The following MAP2K7 variants were observed in gnomAD, a reference collection of about 807,000 sequenced individuals.
MAP2K7 encodes the protein mitogen-activated protein kinase kinase 7.
A neutral mutation model predicts 47.7 loss-of-function variants in MAP2K7; 12 were observed. The observed-to-expected ratio is 0.25, with a 90% CI of 0.16 to 0.41. The LOEUF is 0.41. Ranked by LOEUF, MAP2K7 falls within the 10% of genes least tolerant of loss-of-function variation. The probability of loss-of-function intolerance (pLI) is 1.00; values close to 1 mark genes in which losing one functional copy is unlikely to be tolerated. For synonymous variants in MAP2K7, 299 were observed against 243.0 expected (o/e 1.23, Z -2.14); for missense variants, 415 against 600.3 (o/e 0.69, Z 3.23).
intron 1 of MAP2K7, chr19:7,905,835 C>G: frequency 6.2e-7 from 1 of 1,612,752 alleles, no homozygotes; most frequent in Non-Finnish European, 8.5e-7. Context: ...AGCCCTGCTC[C>G]TGCCCCGTCC....
rs201487347 is a variant in MAP2K7, at chr19:7,911,240, C to T, written c.856-10C>T. The T allele has an allele frequency of 8.7e-4, 1,406 of 1,609,296 alleles. 11 individuals are homozygous for T. In the African/African-American group the frequency reaches 0.016, roughly 18 times the overall value. ...CCTTGGAGATACGTCTTCTCCTCCC[C>T]CCCCTGCAGCCCGAGCGCATTGACC... On this transcript the variant is annotated splice_polypyrimidine_tract_variant and intron_variant, in intron 7 of 10. Coordinates refer to ENST00000397979, the MANE Select transcript of MAP2K7 (RefSeq NM_145185.4).
rs1983104252 is a variant in MAP2K7, at chr19:7,913,839, G to A, written c.*1408G>A. The A allele has an allele frequency of 2.0e-5, 3 of 152,516 alleles. No homozygotes were observed. The highest frequency in any genetic ancestry group is 2.0e-4 in the Admixed American group (3 of 15,270). 9.4% of individuals were successfully genotyped at this position (152,516 alleles called of 1,614,324 possible). On this transcript the variant is annotated 3_prime_UTR_variant, in exon 11 of 11. Coordinates refer to ENST00000397979, the MANE Select transcript of MAP2K7 (RefSeq NM_145185.4). ...ACACCAAAGGCGCAGAAGCCGGCTG[G>A]CCGTGGTGGGGGCAGCGTAGGCGTA... is the stretch of plus-strand genomic sequence containing the variant.
rs776928830 is a variant in MAP2K7 at position 7,910,200 on chromosome 19, G to A, written c.334-60G>A. 5 of 1,600,158 alleles carry A rather than the reference G, an allele frequency of 3.1e-6. No individual in the cohort carries two copies. The African/African-American group carries it at 4.0e-5, about 13-fold the overall frequency. On this transcript the variant is annotated intron_variant, in intron 3 of 10. Coordinates refer to ENST00000397979, the MANE Select transcript of MAP2K7 (RefSeq NM_145185.4). ...CTGGACCCATCCTGGGAGCGCCAGT[G>A]GGGGGCAGGGGGCGGTGGCAGAGGC...
intron 1 of MAP2K7, among the ~76,000 whole-genome samples, chr19:7,908,902 C>T (rs963976418): frequency 2.6e-5 from 4 of 152,122 alleles, no homozygotes; most frequent in Admixed American, 6.5e-5. Context: ...CTGTCTCCTG[C>T]CCTCCCACCC....
rs138634587 is a variant in MAP2K7, at chr19:7,910,598, C to T, written c.567+26C>T. ...GTGAGTACCTGGCCGCGCCCTGCAG[C>T]GTCTCCTCCTCCCTCACCCCTGCCC... On this transcript the variant is annotated intron_variant, in intron 5 of 10. Transcript: ENST00000397979. 15,227 of 1,613,102 alleles carry T rather than the reference C, an allele frequency of 9.4e-3. 116 individuals carry two copies. Among genetic ancestry groups the T allele is most frequent in the Middle Eastern group, 0.019 (116 of 6,062 alleles).
At chr19:7,905,849 C>G (rs765299716) in intron 1 of MAP2K7, 2 of 1,612,342 alleles carry the variant, frequency 1.2e-6, no homozygotes, top group African/African-American at 1.3e-5. Flanking sequence ...CCCGTCCCAA[C>G]GAGCAGGTAC....
In MAP2K7 at chr19:7,912,681, C is replaced by T. The variant is rs890812775; in HGVS notation, c.*250C>T. On this transcript the variant is annotated 3_prime_UTR_variant, in exon 11 of 11. Coordinates refer to ENST00000397979, the MANE Select transcript of MAP2K7 (RefSeq NM_145185.4). ...ACACTGTGAACGGAAGACAGCAGGC[C>T]GCGATCAGAGTCGCTGTTCATTCAG... is the stretch of plus-strand genomic sequence containing the variant. 62 of 560,436 alleles carry T rather than the reference C, an allele frequency of 1.1e-4. No individual in the cohort carries two copies. The highest frequency in any genetic ancestry group is 1.2e-4 in the East Asian group (4 of 32,772). The allele number at this position is 560,436 out of a possible 1,614,324, so 34.7% of individuals were successfully genotyped here.
intron 1 of MAP2K7, among the ~76,000 whole-genome samples, chr19:7,907,782 G>A (rs994468780): frequency 6.6e-6 from 1 of 152,156 alleles, no homozygotes; most frequent in Admixed American, 6.5e-5. Flanking sequence ...TGAGTGCAGG[G>A]TGTGAGCGGG....
rs1190454746 is a variant in MAP2K7, at chr19:7,903,883, G to A, written c.-62G>A. Reference sequence around the variant, plus strand: ...GTCATCCGGGCGCAGGCGCAGTGCGGTGTTTGTCTGCCGGACTGACGGGCG... The same window carrying A: ...GTCATCCGGGCGCAGGCGCAGTGCGATGTTTGTCTGCCGGACTGACGGGCG... On this transcript the variant is annotated 5_prime_UTR_variant, in exon 1 of 11. The change creates a new upstream start codon in the 5' untranslated region. Coordinates refer to ENST00000397979, the MANE Select transcript of MAP2K7 (RefSeq NM_145185.4). 1.5e-6 allele frequency: 2 copies of A among 1,309,688 alleles called. No individual in the cohort carries two copies. Among genetic ancestry groups the A allele is most frequent in the South Asian group, 1.6e-5 (1 of 64,402 alleles). 81.1% of individuals were successfully genotyped at this position (1,309,688 alleles called of 1,614,324 possible).
intron 1 of MAP2K7, chr19:7,904,470 T>TC: frequency 2.7e-6 from 1 of 370,634 alleles, no homozygotes; most frequent in Admixed American, 3.2e-5. Flanking sequence ...GGCGCCCCCC[T>TC]CCCCCGGCCT....
intron 1 of MAP2K7, 32 bp downstream of exon 1, chr19:7,904,100 CGGGCGGGGCGGG>C: frequency 6.5e-5 from 1 of 15,398 alleles, no homozygotes. Flanking sequence ...AGGGGGCGGG[CGGGCGGGGCGGG>C]GCGCGCGCCG....
rs1209200866 is a variant in MAP2K7, at chr19:7,911,132, G to A, written c.828G>A (p.Arg276=). The stretch of plus-strand genomic sequence containing the variant: ...TGGTGGACTCCAAAGCCAAGACGCG[G>A]AGCGCCGGCTGTGCCGCCTACATGG... ...GRLVDSKAKT[R]SAGCAAYMAP... The change falls in exon 7 of 11, where the codon CGG becomes CGA. Residue 276 remains arginine, a synonymous_variant. Transcript: ENST00000397979. 1 of 1,611,398 alleles carries A rather than the reference G, an allele frequency of 6.2e-7. No individual in the cohort carries two copies.
chr19:7,912,809 C>T lies in MAP2K7; in HGVS notation c.*378C>T, dbSNP rs1982998153. 7.9e-6 allele frequency: 2 copies of T among 253,078 alleles called. No individual in the cohort carries two copies. The highest frequency in any genetic ancestry group is 5.3e-5 in the South Asian group (1 of 19,002). 15.7% of individuals were successfully genotyped at this position (253,078 alleles called of 1,614,324 possible). A position where few individuals can be genotyped will look rare whatever the true frequency, so the allele number is the denominator to read the frequency against. On this transcript the variant is annotated 3_prime_UTR_variant, in exon 11 of 11. Coordinates refer to ENST00000397979, the MANE Select transcript of MAP2K7 (RefSeq NM_145185.4). ...AGCGTGCTGTGTCCTTCGCCACTCC[C>T]ACGCGCCCGTTCCTCTTCCGTCGCC...
chr19:7,909,599 C>T (rs1982681034), intron 1 of MAP2K7, among the ~76,000 whole-genome samples, 156 bp from the exon 2 acceptor site: 1 of 152,184 alleles, frequency 6.6e-6, no homozygotes, highest in African/African-American at 2.4e-5. Flanking sequence ...GACCCCAGCT[C>T]CTCCAGCCCA....
Position 7,912,136 on chromosome 19 carries a change from T to C in MAP2K7, c.1080-13T>C. 5 of 1,613,688 alleles carry C rather than the reference T, an allele frequency of 3.1e-6. No homozygotes were observed. The highest frequency in any genetic ancestry group is 4.2e-6 in the Non-Finnish European group (5 of 1,179,672). Reference sequence around the variant, plus strand: ...CCTCGTTCTCACATCTGTCTTCCCTTCTCTTGCTCTAGCCTTACTAAAGAT... The same window carrying C: ...CCTCGTTCTCACATCTGTCTTCCCTCCTCTTGCTCTAGCCTTACTAAAGAT... On this transcript the variant is annotated splice_polypyrimidine_tract_variant and intron_variant, in intron 9 of 10. Transcript: ENST00000397979.
chr19:7,904,317 G>A (rs1241864670), intron 1 of MAP2K7: 1 of 225,930 alleles, frequency 4.4e-6, no homozygotes, highest in African/African-American at 2.3e-5. Flanking sequence ...GCCCCCAGCT[G>A]ATGACCCGCC....
intron 1 of MAP2K7, chr19:7,905,668 G>T (rs1477766880): frequency 2.7e-6 from 2 of 750,920 alleles, no homozygotes; most frequent in Admixed American, 3.7e-5. Context: ...CCCCATCTCT[G>T]TCGGTTCCTA....
intron 1 of MAP2K7, 34 bp from the exon 2 acceptor site, chr19:7,909,721 C>T: frequency 7.1e-7 from 1 of 1,406,296 alleles, no homozygotes; most frequent in South Asian, 1.3e-5. Flanking sequence ...TGGGCGCTGA[C>T]CCCCCTCCCT....
At position 7,912,593 on chromosome 19, in the gene MAP2K7, G is replaced by A. The variant is rs910955856; in HGVS notation, c.*162G>A. On this transcript the variant is annotated 3_prime_UTR_variant, in exon 11 of 11. Coordinates refer to ENST00000397979, the MANE Select transcript of MAP2K7 (RefSeq NM_145185.4). ...GGTGCCCACCCACCCCCCCCGCCCC[G>A]GGCCTACCAAGCCCCCGCCCTTCCC... The A allele has an allele frequency of 6.3e-4, 447 of 704,786 alleles. 2 individuals are homozygous for A. The highest frequency in any genetic ancestry group is 6.2e-4 in the Non-Finnish European group (308 of 497,796). 43.7% of individuals were successfully genotyped at this position (704,786 alleles called of 1,614,324 possible).
Sources: gnomAD v4.1 joint callset for allele counts (sites outside exome capture counted in the v4.1 genomes callset) on GRCh38, gnomAD v4.1.1 for gene constraint, MANE v1.5 for transcripts, NCBI Gene and HGNC (gene_info 2026-07-23, HGNC 2026-07-21) for gene names.